The following EDEM1 variants were observed in gnomAD, a reference collection of about 807,000 sequenced individuals.
EDEM1 encodes ER degradation enhancing alpha-mannosidase like protein 1.
EDEM1 carries 67 observed loss-of-function variants against 74.4 expected under a neutral mutation model. That is an observed-to-expected ratio of 0.90 (90% confidence interval 0.74 to 1.10). The LOEUF (loss-of-function observed/expected upper bound fraction) is 1.10. EDEM1 is among the 50% of genes least tolerant of loss of function. The probability of loss-of-function intolerance (pLI) is 0.00; values close to 1 mark genes in which losing one functional copy is unlikely to be tolerated. For missense variants in EDEM1, 926 were observed against 851.6 expected, an observed-to-expected ratio of 1.09 and a Z score of -1.09; for synonymous variants, 382 against 335.9, an observed-to-expected ratio of 1.14 and a Z score of -1.50.
rs1054072900 is a variant in EDEM1 at position 5,217,397 on chromosome 3, G to A, written c.*1479G>A. On this transcript the variant is annotated 3_prime_UTR_variant, in exon 12 of 12. Coordinates refer to ENST00000256497, the MANE Select transcript of EDEM1 (RefSeq NM_014674.3). ...TAAAACTTCCAGCCTCACATAGCAC[G>A]GTTCTCACCTGTCACTGTTTTCCCA... The A allele has an allele frequency of 4.6e-5, 7 of 152,570 alleles. No individual in the cohort carries two copies. The highest frequency in any genetic ancestry group is 1.7e-4 in the African/African-American group (7 of 41,416). 9.5% of individuals were successfully genotyped at this position (152,570 alleles called of 1,614,324 possible).
intron 6 of EDEM1, 36 bp from the exon 7 acceptor site, chr3:5,207,117 T>G (rs2055107192): frequency 6.2e-7 from 1 of 1,610,386 alleles, no homozygotes; most frequent in African/African-American, 1.3e-5. Flanking sequence ...CAGTGAGCTT[T>G]CTTTTCACCA....
At chr3:5,214,486 T>C (rs74684731) in intron 11 of EDEM1, among the ~76,000 whole-genome samples, 36 of 152,264 alleles carry the variant, frequency 2.4e-4, no homozygotes, top group African/African-American at 7.5e-4. Flanking sequence ...CATGGAGCGC[T>C]GATTGAGTGG....
intron 1 of EDEM1, among the ~76,000 whole-genome samples, chr3:5,194,428 CT>C (rs2054938019): frequency 6.6e-6 from 1 of 152,076 alleles, no homozygotes; most frequent in Admixed American, 6.6e-5. Context: ...TTGTTGTTGA[CT>C]TTTTTGTAAA....
intron 10 of EDEM1, among the ~76,000 whole-genome samples, chr3:5,212,134 T>G (rs1161429426): frequency 6.6e-6 from 1 of 152,206 alleles, no homozygotes; most frequent in African/African-American, 2.4e-5. Flanking sequence ...AGTCAGAATC[T>G]TCAGAATAAG....
intron 4 of EDEM1, 64 bp from the exon 5 acceptor site, chr3:5,202,902 C>A: frequency 6.6e-7 from 1 of 1,504,304 alleles, no homozygotes; most frequent in Non-Finnish European, 9.1e-7. Context: ...TCTCTGAGAC[C>A]CGGCTTTTCA....
chr3:5,204,304 T>A (rs1214242204), intron 5 of EDEM1, among the ~76,000 whole-genome samples: 2 of 152,192 alleles, frequency 1.3e-5, no homozygotes, highest in African/African-American at 4.8e-5. Context: ...TCCAGGTTGT[T>A]GCCTTGCATT....
chr3:5,196,052 C>G (rs906212247), intron 2 of EDEM1, among the ~76,000 whole-genome samples: 1 of 152,244 alleles, frequency 6.6e-6, no homozygotes, highest in African/African-American at 2.4e-5. Context: ...CATTGTCCAG[C>G]AAGTCTTTAC....
intron 2 of EDEM1, 98 bp from the exon 3 acceptor site, chr3:5,199,494 A>G: frequency 2.5e-6 from 2 of 806,114 alleles, no homozygotes; most frequent in East Asian, 2.7e-5. Context: ...TAGCAAAACC[A>G]CATACAGACA....
At chr3:5,189,065 C>G (rs2054868608) in intron 1 of EDEM1, among the ~76,000 whole-genome samples, 1 of 152,208 alleles carries the variant, frequency 6.6e-6, no homozygotes, top group Non-Finnish European at 1.5e-5. Context: ...CTTCCCTGTT[C>G]ACCAGCCTTG....
intron 1 of EDEM1, among the ~76,000 whole-genome samples, chr3:5,191,003 C>T (rs2054896039): frequency 6.6e-6 from 1 of 151,988 alleles, no homozygotes; most frequent in Non-Finnish European, 1.5e-5. Flanking sequence ...GGTATCCAAC[C>T]CCTCAAGCAT....
At chr3:5,191,657 G>A (rs185298451) in intron 1 of EDEM1, among the ~76,000 whole-genome samples, 167 of 152,246 alleles carry the variant, frequency 1.1e-3, no homozygotes, top group Non-Finnish European at 1.9e-3. Flanking sequence ...CACTCTTACC[G>A]TTTCTCTGTA....
At chr3:5,193,076 T>C (rs1461140743) in intron 1 of EDEM1, among the ~76,000 whole-genome samples, 1 of 152,176 alleles carries the variant, frequency 6.6e-6, no homozygotes, top group Non-Finnish European at 1.5e-5. Flanking sequence ...AGTACCTTCC[T>C]TCCATGGGCC....
In EDEM1 at chr3:5,218,033, C is replaced by G. The variant is rs1382407407; in HGVS notation, c.*2115C>G. ...TGAGGCACTTTGCCTGTCACTCGAG[C>G]AAGCCTGGGTGTTCCTTCCTCCTCA... On this transcript the variant is annotated 3_prime_UTR_variant, in exon 12 of 12. Transcript: ENST00000256497. 1.3e-5 allele frequency: 2 copies of G among 152,264 alleles called. No individual in the cohort carries two copies. Among genetic ancestry groups the G allele is most frequent in the Non-Finnish European group, 2.9e-5 (2 of 68,066 alleles). The allele number at this position is 152,264 out of a possible 1,614,324, so 9.4% of individuals were successfully genotyped here. A position where few individuals can be genotyped will look rare whatever the true frequency, so the allele number is the denominator to read the frequency against.
At chr3:5,210,112 A>AT in intron 8 of EDEM1, 63 bp from the exon 9 acceptor site, 1 of 1,431,704 alleles carries the variant, frequency 7.0e-7, no homozygotes, top group Non-Finnish European at 9.9e-7. Flanking sequence ...AGTCACCATG[A>AT]TGTTTGTCGA....
In EDEM1 at chr3:5,217,809, A is replaced by T. The variant is rs183718291; in HGVS notation, c.*1891A>T. ...GAAAATGTTAATTACACACACATGC[A>T]TGCATGCACACACGAGCATACTTGT... On this transcript the variant is annotated 3_prime_UTR_variant, in exon 12 of 12. Coordinates refer to ENST00000256497, the MANE Select transcript of EDEM1 (RefSeq NM_014674.3). 13 of 152,316 alleles carry T rather than the reference A, an allele frequency of 8.5e-5. No individual in the cohort carries two copies. Among genetic ancestry groups the T allele is most frequent in the African/African-American group, 3.1e-4 (13 of 41,572 alleles). 9.4% of individuals were successfully genotyped at this position (152,316 alleles called of 1,614,324 possible).
At chr3:5,215,312 T>TAA (rs139703688) in intron 11 of EDEM1, among the ~76,000 whole-genome samples, 1 of 151,438 alleles carries the variant, frequency 6.6e-6, no homozygotes, top group Non-Finnish European at 1.5e-5. Flanking sequence ...GGGTTTTAAT[T>TAA]AAAGAAATAG....
intron 2 of EDEM1, among the ~76,000 whole-genome samples, chr3:5,198,736 G>C (rs556363947): frequency 7.1e-6 from 1 of 140,610 alleles, no homozygotes; most frequent in African/African-American, 2.7e-5. Context: ...AGGTTTGCCT[G>C]ATGCAGTTCC....
rs777016669 is a variant in EDEM1, at chr3:5,195,530, T to C, written c.582+249T>C. On this transcript the variant is annotated intron_variant, in intron 2 of 11. Coordinates refer to ENST00000256497, the MANE Select transcript of EDEM1 (RefSeq NM_014674.3). ...TACGATTGATTTTAGGGAACCTATTTTTTTTTAACCAGTTTCTATCTTATT... is the reference window on the plus strand; with the variant it reads ...TACGATTGATTTTAGGGAACCTATTCTTTTTTAACCAGTTTCTATCTTATT... 2.4e-4 allele frequency among the ~76,000 whole-genome samples: 37 copies of C among 152,256 alleles called. 1 individual carries two copies. The highest frequency in any genetic ancestry group is 2.8e-4 in the Non-Finnish European group (19 of 68,038).
Position 5,217,695 on chromosome 3 carries a change from A to G in EDEM1, c.*1777A>G, listed in dbSNP as rs2055257352. The G allele has an allele frequency of 6.6e-6, 1 of 152,370 alleles. No homozygotes were observed. Among genetic ancestry groups the G allele is most frequent in the South Asian group, 2.1e-4 (1 of 4,836 alleles). The allele number at this position is 152,370 out of a possible 1,614,324, so 9.4% of individuals were successfully genotyped here. A position where few individuals can be genotyped will look rare whatever the true frequency, so the allele number is the denominator to read the frequency against. On this transcript the variant is annotated 3_prime_UTR_variant, in exon 12 of 12. Transcript: ENST00000256497. ...TACCTTTTTTCATTTCAGAAGCATT[A>G]TTCTGTTTATTAACAGTGTCCCATC... is the stretch of plus-strand genomic sequence containing the variant.
Sources: allele counts gnomAD v4.1 joint callset (sites outside exome capture counted in the v4.1 genomes callset), GRCh38; gene constraint gnomAD v4.1.1; transcripts MANE v1.5; gene names NCBI Gene and HGNC (gene_info 2026-07-23, HGNC 2026-07-21).